The following SMCHD1 variants were observed in gnomAD, a reference collection of about 807,000 sequenced individuals.
SMCHD1 encodes the protein structural maintenance of chromosomes flexible hinge domain-containing protein 1.
In SMCHD1, 78 loss-of-function variants were observed where a neutral mutation model predicts 254.7. The ratio of observed to expected loss-of-function variants is 0.31; its 90% CI spans 0.26 to 0.37. The LOEUF (loss-of-function observed/expected upper bound fraction) is 0.37. Ranked by LOEUF, SMCHD1 falls within the 10% of genes least tolerant of loss-of-function variation. The pLI, the probability that SMCHD1 is intolerant of heterozygous loss-of-function variation, is 1.00. For synonymous variants in SMCHD1, 766 were observed against 794.9 expected (o/e 0.96, Z 0.61); for missense variants, 1,840 against 2,408.1 (o/e 0.76, Z 4.94).
At chr18:2,756,746 C>T (rs972021285) in intron 34 of SMCHD1, among the ~76,000 whole-genome samples, 3 of 152,072 alleles carry the variant, frequency 2.0e-5, no homozygotes, top group African/African-American at 7.2e-5. Flanking sequence ...AGGCATGCAC[C>T]ACCACTGTCT....
At chr18:2,672,441 T>C (rs1318346587) in intron 3 of SMCHD1, among the ~76,000 whole-genome samples, 1 of 152,176 alleles carries the variant, frequency 6.6e-6, no homozygotes, top group Non-Finnish European at 1.5e-5. Flanking sequence ...TTGGCCAGGC[T>C]GGTCTCAAAC....
intron 37 of SMCHD1, among the ~76,000 whole-genome samples, chr18:2,769,275 AC>A (rs552483593): frequency 6.6e-6 from 1 of 152,038 alleles, no homozygotes; most frequent in Non-Finnish European, 1.5e-5. Flanking sequence ...TGTAACTTAA[AC>A]TCAGCATTGG....
Position 2,804,394 on chromosome 18 carries a change from C to T in SMCHD1, c.*1842C>T, listed in dbSNP as rs551889453. 2.6e-5 allele frequency: 4 copies of T among 152,116 alleles called. No homozygotes were observed. The highest frequency in any genetic ancestry group is 2.0e-4 in the Admixed American group (3 of 15,262). 9.4% of individuals were successfully genotyped at this position (152,116 alleles called of 1,614,324 possible). A position where few individuals can be genotyped will look rare whatever the true frequency, so the allele number is the denominator to read the frequency against. ...CAAGCAGTCTTCCTGCCTTGGCCTC[C>T]TAAGTAGCAGGGATTACAGGCATGC... On this transcript the variant is annotated 3_prime_UTR_variant, in exon 48 of 48. Transcript: ENST00000320876.
chr18:2,713,052 A>G (rs1477851046), intron 17 of SMCHD1, among the ~76,000 whole-genome samples: 1 of 152,166 alleles, frequency 6.6e-6, no homozygotes, highest in Non-Finnish European at 1.5e-5. Context: ...GTGACAAACT[A>G]TTTGGAAAGC....
In SMCHD1 at chr18:2,759,503, T is replaced by TTTTG. The variant is rs1555649389; in HGVS notation, c.4347-1148_4347-1147insTTGT. On this transcript the variant is annotated intron_variant, in intron 34 of 47. Coordinates refer to ENST00000320876, the MANE Select transcript of SMCHD1 (RefSeq NM_015295.3). ...ATTTTCAAGCAATTTTTTTTTTTTT[T>TTTTG]TGTACAGCTGTTTTCATCATGAAGG... is the stretch of plus-strand genomic sequence containing the variant. 2.4e-4 allele frequency among the ~76,000 whole-genome samples: 35 copies of TTTTG among 148,202 alleles called. 2 individuals are homozygous for TTTTG. Among genetic ancestry groups the TTTTG allele is most frequent in the African/African-American group, 8.1e-4 (32 of 39,424 alleles).
intron 33 of SMCHD1, among the ~76,000 whole-genome samples, chr18:2,751,594 A>G (rs562428911): frequency 2.2e-4 from 34 of 152,290 alleles, no homozygotes; most frequent in African/African-American, 7.7e-4. Context: ...AGAGTAGTCT[A>G]CATTGTGATG....
chr18:2,804,673 C>T lies in SMCHD1; in HGVS notation c.*2121C>T, dbSNP rs1345448848. 6.6e-6 allele frequency: 1 copy of T among 152,122 alleles called. No homozygotes were observed. The highest frequency in any genetic ancestry group is 1.5e-5 in the Non-Finnish European group (1 of 68,036). The allele number at this position is 152,122 out of a possible 1,614,324, so 9.4% of individuals were successfully genotyped here. On this transcript the variant is annotated 3_prime_UTR_variant, in exon 48 of 48. Coordinates refer to ENST00000320876, the MANE Select transcript of SMCHD1 (RefSeq NM_015295.3). ...CAGTTGGATTTATCTAAGGATATTT[C>T]TCAGCATATTAAGGAATCCTTTTCT...
chr18:2,677,661 C>G (rs641533), intron 5 of SMCHD1, among the ~76,000 whole-genome samples: 125,434 of 152,196 alleles, frequency 0.82, 55,136 homozygotes, highest in East Asian at 1. Flanking sequence ...AAATCTCGCT[C>G]TGTCGTTCAG....
At chr18:2,671,412 G>A (rs1370044942) in intron 3 of SMCHD1, among the ~76,000 whole-genome samples, 3 of 151,936 alleles carry the variant, frequency 2.0e-5, no homozygotes, top group African/African-American at 4.8e-5. Flanking sequence ...GTTGAAAACC[G>A]TATCAGTTTT....
At chr18:2,767,706 C>G (rs565321240) in intron 37 of SMCHD1, among the ~76,000 whole-genome samples, 1 of 151,330 alleles carries the variant, frequency 6.6e-6, no homozygotes, top group Non-Finnish European at 1.5e-5. Flanking sequence ...CCTCCCACCT[C>G]AGCCTCCCGA....
intron 5 of SMCHD1, 125 bp downstream of exon 5, chr18:2,674,270 G>T: frequency 1.3e-6 from 1 of 744,572 alleles, no homozygotes; most frequent in Non-Finnish European, 2.0e-6. Context: ...TATTTATTTA[G>T]GTTTTATATT....
intron 7 of SMCHD1, among the ~76,000 whole-genome samples, 184 bp from the exon 8 acceptor site, chr18:2,694,343 C>T (rs530137309): frequency 6.6e-6 from 1 of 152,272 alleles, no homozygotes; most frequent in South Asian, 2.1e-4. Flanking sequence ...GTGAAAGTTC[C>T]CTTGTCTTCA....
chr18:2,791,474 G>C (rs2076164192), intron 45 of SMCHD1, among the ~76,000 whole-genome samples: 1 of 152,200 alleles, frequency 6.6e-6, no homozygotes, highest in Non-Finnish European at 1.5e-5. Context: ...TCTTTGGGAG[G>C]CTGAGGTTGC....
intron 45 of SMCHD1, among the ~76,000 whole-genome samples, chr18:2,785,997 T>C (rs2076234161): frequency 6.6e-6 from 1 of 152,156 alleles, no homozygotes; most frequent in South Asian, 2.1e-4. Flanking sequence ...TTGTTTACTT[T>C]TATTTACTTT....
At chr18:2,695,435 G>A (rs923999773) in intron 8 of SMCHD1, among the ~76,000 whole-genome samples, 9 of 151,178 alleles carry the variant, frequency 6.0e-5, no homozygotes, top group South Asian at 2.1e-4. Context: ...TCAGCCTCCC[G>A]AGTAGCTGGG....
chr18:2,799,305 ATC>A (rs1336691179), intron 47 of SMCHD1, among the ~76,000 whole-genome samples: 1 of 152,100 alleles, frequency 6.6e-6, no homozygotes, highest in African/African-American at 2.4e-5. Flanking sequence ...AAGACAGCAA[ATC>A]TCAATTAGGA....
In SMCHD1 at chr18:2,765,311, A is replaced by C. The variant is rs183969086; in HGVS notation, c.4719+1522A>C. ...TCTGGATTTTATTGACCCTTTTTCAAATCCATTAATTTTCTTGATATCTTT... is the reference window on the plus strand; with the variant it reads ...TCTGGATTTTATTGACCCTTTTTCACATCCATTAATTTTCTTGATATCTTT... On this transcript the variant is annotated intron_variant, in intron 37 of 47. Transcript: ENST00000320876. Among the ~76,000 whole-genome samples the C allele has an allele frequency of 7.2e-4, 109 of 152,180 alleles. No homozygotes were observed. The Middle Eastern group carries it at 0.014, about 19-fold the overall frequency.
At chr18:2,695,060 G>GTTT (rs913068823) in intron 8 of SMCHD1, among the ~76,000 whole-genome samples, 1 of 151,502 alleles carries the variant, frequency 6.6e-6, no homozygotes, top group Non-Finnish European at 1.5e-5. Flanking sequence ...ATTTATTTTT[G>GTTT]TTGTTAAATT....
chr18:2,700,594 A>G lies in SMCHD1; in HGVS notation c.1398A>G (p.Arg466=). ...GTTTCATACTTGAGAAAGCAGCTAG[A>G]GGGAAAAGGCCTATTTTTGAATGTT... is the stretch of plus-strand genomic sequence containing the variant. ...DDCFILEKAA[R]GKRPIFECFW... is the part of the protein sequence containing the mutation. Residue 466 remains arginine, a synonymous_variant, in exon 11 of 48, where the codon AGA becomes AGG. Transcript: ENST00000320876. 6.2e-7 allele frequency: 1 copy of G among 1,612,120 alleles called. No individual in the cohort carries two copies. Among genetic ancestry groups the G allele is most frequent in the Non-Finnish European group, 8.5e-7 (1 of 1,178,796 alleles).
Sources: allele counts gnomAD v4.1 joint callset (sites outside exome capture counted in the v4.1 genomes callset), GRCh38; gene constraint gnomAD v4.1.1; transcripts MANE v1.5; gene names NCBI Gene and HGNC (gene_info 2026-07-23, HGNC 2026-07-21).